Variants in OPCML observed in about 807,000 individuals in gnomAD.
OPCML encodes the protein opioid binding protein/cell adhesion molecule like.
A neutral mutation model predicts 37.8 loss-of-function variants in OPCML; 13 were observed. The ratio of observed to expected loss-of-function variants is 0.34; its 90% CI spans 0.22 to 0.55. OPCML has a LOEUF of 0.55. Among genes scored for constraint, OPCML ranks in the 20% least tolerant of loss-of-function variants. OPCML has a pLI of 0.91. For missense variants in OPCML, 341 were observed against 435.6 expected (o/e 0.78, Z 1.93); for synonymous variants, 176 against 168.8 (o/e 1.04, Z -0.33).
At chr11:132,630,664 T>C (rs1940045171) in intron 3 of OPCML, among the ~76,000 whole-genome samples, 1 of 152,166 alleles carries the variant, frequency 6.6e-6, no homozygotes, top group Admixed American at 6.6e-5. Context: ...GTGATTCTCA[T>C]ACATTGCAAG....
intron 2 of OPCML, among the ~76,000 whole-genome samples, chr11:132,783,658 A>T (rs1266050001): frequency 6.6e-6 from 1 of 152,178 alleles, no homozygotes; most frequent in East Asian, 1.9e-4. Flanking sequence ...TAAAGATATA[A>T]TACTCCCAAA....
intron 2 of OPCML, among the ~76,000 whole-genome samples, chr11:132,660,394 T>G (rs575365767): frequency 8.1e-4 from 124 of 152,356 alleles, no homozygotes; most frequent in African/African-American, 2.7e-3. Flanking sequence ...AATTAATTCC[T>G]CTTTCAATTT....
At chr11:132,613,511 C>A (rs531087737) in intron 3 of OPCML, among the ~76,000 whole-genome samples, 1 of 152,320 alleles carries the variant, frequency 6.6e-6, no homozygotes, top group African/African-American at 2.4e-5. Context: ...TGGGATTCTT[C>A]TCTGCCAAAC....
intron 2 of OPCML, among the ~76,000 whole-genome samples, chr11:132,663,265 T>G (rs1490542291): frequency 6.6e-6 from 1 of 152,200 alleles, no homozygotes; most frequent in Non-Finnish European, 1.5e-5. Flanking sequence ...TCAATACATA[T>G]TTATAGTGAT....
intron 3 of OPCML, among the ~76,000 whole-genome samples, chr11:132,620,176 T>C (rs923467904): frequency 6.6e-6 from 1 of 152,246 alleles, no homozygotes; most frequent in African/African-American, 2.4e-5. Flanking sequence ...ATGACATTTC[T>C]ACTGCATCCT....
At chr11:133,000,296 A>G (rs1387501557) in intron 1 of OPCML, among the ~76,000 whole-genome samples, 2 of 152,054 alleles carry the variant, frequency 1.3e-5, no homozygotes, top group East Asian at 1.9e-4. Context: ...TATTTTTAAT[A>G]GAGACGGGGT....
chr11:132,579,607 C>T (rs1435085769), intron 3 of OPCML, among the ~76,000 whole-genome samples: 3 of 152,110 alleles, frequency 2.0e-5, no homozygotes, highest in Non-Finnish European at 4.4e-5. Context: ...AGAGAGCACC[C>T]TCCTATCCCC....
intron 1 of OPCML, among the ~76,000 whole-genome samples, chr11:133,207,922 G>T (rs1440983998): frequency 6.6e-6 from 1 of 152,068 alleles, no homozygotes; most frequent in South Asian, 2.1e-4. Context: ...TTACTTCGCC[G>T]CAGGGTCTTC....
At chr11:132,548,420 C>T (rs1409424264) in intron 3 of OPCML, among the ~76,000 whole-genome samples, 1 of 152,096 alleles carries the variant, frequency 6.6e-6, no homozygotes, top group Non-Finnish European at 1.5e-5. Flanking sequence ...CCCTCCTGGC[C>T]CTGGGAGGAT....
At chr11:132,434,437 G>GTGCA (rs1172622619) in intron 7 of OPCML, among the ~76,000 whole-genome samples, 6 of 152,200 alleles carry the variant, frequency 3.9e-5, no homozygotes, top group African/African-American at 1.4e-4. Flanking sequence ...GTGTGTGTGA[G>GTGCA]TGCATGCATG....
At chr11:133,487,759 C>G (rs1947559444) in intron 1 of OPCML, among the ~76,000 whole-genome samples, 1 of 147,946 alleles carries the variant, frequency 6.8e-6, no homozygotes, top group Non-Finnish European at 1.5e-5. Flanking sequence ...CTCAATATTG[C>G]AGAGATACTC....
chr11:133,501,635 A>G (rs1947917341), intron 1 of OPCML, among the ~76,000 whole-genome samples: 1 of 152,022 alleles, frequency 6.6e-6, no homozygotes, highest in Admixed American at 6.6e-5. Flanking sequence ...ACTTGGGGGA[A>G]GTCAGTCCAT....
At chr11:133,037,231 A>T (rs529165743) in intron 1 of OPCML, among the ~76,000 whole-genome samples, 1 of 152,366 alleles carries the variant, frequency 6.6e-6, no homozygotes, top group East Asian at 1.9e-4. Flanking sequence ...TCGGATCACC[A>T]CTGTGAGGAT....
chr11:132,567,524 A>T (rs2096426546), intron 3 of OPCML, among the ~76,000 whole-genome samples: 1 of 152,180 alleles, frequency 6.6e-6, no homozygotes, highest in Admixed American at 6.5e-5. Flanking sequence ...ATAGGTCTCC[A>T]CAATAGGGAA....
chr11:132,446,307 G>C (rs1030125764), intron 4 of OPCML, among the ~76,000 whole-genome samples: 3 of 145,122 alleles, frequency 2.1e-5, no homozygotes, highest in African/African-American at 7.5e-5. Flanking sequence ...AGAAAAGGAA[G>C]AGAGGAGCTA....
chr11:132,577,824 C>A (rs547458531), intron 3 of OPCML, among the ~76,000 whole-genome samples: 12 of 152,210 alleles, frequency 7.9e-5, no homozygotes, highest in South Asian at 2.1e-4. Context: ...CCTTTCAATT[C>A]TTTTTTCCTC....
intron 4 of OPCML, among the ~76,000 whole-genome samples, chr11:132,502,401 T>C (rs1444848654): frequency 6.6e-6 from 1 of 152,208 alleles, no homozygotes; most frequent in Non-Finnish European, 1.5e-5. Flanking sequence ...CCAGCACCAA[T>C]GTGCCAGTTC....
At chr11:132,878,713 G>GTCTT (rs1555202178) in intron 2 of OPCML, among the ~76,000 whole-genome samples, 1 of 151,544 alleles carries the variant, frequency 6.6e-6, no homozygotes, top group Non-Finnish European at 1.5e-5. Flanking sequence ...GTGTCTATCT[G>GTCTT]TCTATCTATC....
chr11:132,452,011 T>C (rs115914146), intron 4 of OPCML, among the ~76,000 whole-genome samples: 1,833 of 152,220 alleles, frequency 0.012, 19 homozygotes, highest in Middle Eastern at 0.058. Flanking sequence ...GGGTTCAATG[T>C]CACGCTCCTC....
Sources: allele counts gnomAD v4.1 joint callset (sites outside exome capture counted in the v4.1 genomes callset), GRCh38; gene constraint gnomAD v4.1.1; transcripts MANE v1.5; gene names NCBI Gene and HGNC (gene_info 2026-07-23, HGNC 2026-07-21).